The following FAT3 variants were observed in gnomAD, a reference collection of about 807,000 sequenced individuals.
FAT3 encodes protocadherin Fat 3.
FAT3 carries 95 observed loss-of-function variants against 310.2 expected under a neutral mutation model. The observed-to-expected ratio is 0.31, with a 90% confidence interval of 0.26 to 0.36. The LOEUF (loss-of-function observed/expected upper bound fraction) is 0.36, where lower values mean the gene tolerates loss of function less well. FAT3 is among the 10% of genes least tolerant of loss of function. The pLI, the probability that FAT3 is intolerant of heterozygous loss-of-function variation, is 1.00. For synonymous variants in FAT3, 2,314 were observed against 2,192.9 expected (o/e 1.06, Z -1.54); for missense variants, 5,408 against 5,715.6 (o/e 0.95, Z 1.74).
chr11:92,378,691 G>C (rs888291675), intron 2 of FAT3, among the ~76,000 whole-genome samples: 2 of 152,070 alleles, frequency 1.3e-5, no homozygotes, highest in African/African-American at 4.8e-5. Flanking sequence ...AGTCCATTGG[G>C]ATTGCTATAA....
rs184077018 is a variant in FAT3 at position 92,535,827 on chromosome 11, T to C, written c.3607+10879T>C. Among the ~76,000 whole-genome samples the C allele has an allele frequency of 3.6e-3, 538 of 151,524 alleles. 15 individuals are homozygous for C. The highest frequency in any genetic ancestry group is 2.8e-3 in the Non-Finnish European group (189 of 67,456). ...AACACCATCATTTCTTACAGGAGTGTTTTTACAGAAGGCCATGAGGTCACG... is the reference window on the plus strand; with the variant it reads ...AACACCATCATTTCTTACAGGAGTGCTTTTACAGAAGGCCATGAGGTCACG... On this transcript the variant is annotated intron_variant, in intron 3 of 27. Transcript: ENST00000525166.
At chr11:92,571,552 C>A (rs11020009) in intron 3 of FAT3, among the ~76,000 whole-genome samples, 8,297 of 152,280 alleles carry the variant, frequency 0.054, 273 homozygotes, top group African/African-American at 0.089. Context: ...CTTCTCTTTG[C>A]AGTTTTTACT....
chr11:92,225,978 G>C (rs1196790636), intron 1 of FAT3, among the ~76,000 whole-genome samples: 1 of 152,004 alleles, frequency 6.6e-6, no homozygotes, highest in African/African-American at 2.4e-5. Context: ...CCATCCCCAG[G>C]AGTGCGGAGG....
intron 2 of FAT3, among the ~76,000 whole-genome samples, chr11:92,375,295 A>G (rs1399639475): frequency 6.6e-6 from 1 of 151,750 alleles, no homozygotes; most frequent in African/African-American, 2.4e-5. Flanking sequence ...CACCACCCTC[A>G]ACTAATTTAT....
intron 19 of FAT3, among the ~76,000 whole-genome samples, chr11:92,855,478 A>G (rs1295912090): frequency 6.6e-6 from 1 of 152,242 alleles, no homozygotes; most frequent in Non-Finnish European, 1.5e-5. Flanking sequence ...AGGAGGCATC[A>G]TATCCTTTCA....
In FAT3 at chr11:92,800,254, C is replaced by T; in HGVS notation, c.7241C>T (p.Thr2414Ile). The change falls in exon 10 of 28, where the codon ACC becomes ATC. Residue 2414 changes from threonine (T) to isoleucine (I), a missense_variant. Thr to Ile is a moderately conservative substitution (Grantham distance 89, BLOSUM62 -1). This residue lies in a region of FAT3 where 4,588 missense variants were observed against 4,809.8 expected (regional missense o/e 0.95). Coordinates refer to ENST00000525166, the MANE Select transcript of FAT3 (RefSeq NM_001367949.2). ...TTAGCCCCCCGGGGCCATTTTGTAA[C>T]CTGTGTACAAGCCTCTGATGCAGAC... The part of the protein sequence containing the change: ...SELAPRGHFV[T>I]CVQASDADSS... 6.2e-7 allele frequency: 1 copy of T among 1,613,928 alleles called. No individual in the cohort carries two copies.
intron 2 of FAT3, among the ~76,000 whole-genome samples, chr11:92,461,398 A>T (rs949255468): frequency 6.6e-6 from 1 of 152,228 alleles, no homozygotes; most frequent in African/African-American, 2.4e-5. Context: ...AAACACATTT[A>T]TAAATATCAG....
intron 1 of FAT3, among the ~76,000 whole-genome samples, chr11:92,300,265 A>G (rs1946961552): frequency 6.6e-6 from 1 of 152,282 alleles, no homozygotes; most frequent in East Asian, 1.9e-4. Context: ...GTCTTACAGC[A>G]AAGCACAGCC....
chr11:92,481,854 G>T (rs1952235170), intron 2 of FAT3, among the ~76,000 whole-genome samples: 1 of 152,110 alleles, frequency 6.6e-6, no homozygotes, highest in Non-Finnish European at 1.5e-5. Context: ...CTTAAAATCT[G>T]CATCTTTAAA....
intron 2 of FAT3, among the ~76,000 whole-genome samples, chr11:92,477,085 G>A (rs992572259): frequency 5.1e-4 from 78 of 152,288 alleles, no homozygotes; most frequent in Middle Eastern, 3.4e-3. Flanking sequence ...TGGTAAGTTC[G>A]TTAATGAACT....
At chr11:92,559,005 T>A (rs1168141891) in intron 3 of FAT3, among the ~76,000 whole-genome samples, 1 of 152,168 alleles carries the variant, frequency 6.6e-6, no homozygotes, top group African/African-American at 2.4e-5. Flanking sequence ...CTTCTATACA[T>A]CTTACTTAAT....
In FAT3 at chr11:92,388,785, C is replaced by T. The variant is rs559213062; in HGVS notation, c.3292+33381C>T. On this transcript the variant is annotated intron_variant, in intron 2 of 27. Transcript: ENST00000525166. Reference sequence around the variant, plus strand: ...AGTATGGAGATTCAGAGCATAACTGCCTGGAAAATGCTAAGAAATTCTTTA... The same window carrying T: ...AGTATGGAGATTCAGAGCATAACTGTCTGGAAAATGCTAAGAAATTCTTTA... Among the ~76,000 whole-genome samples, 45 of 152,202 alleles carry T rather than the reference C, an allele frequency of 3.0e-4. No individual in the cohort carries two copies. In the South Asian group the frequency reaches 8.7e-3, roughly 30 times the overall value.
At chr11:92,496,390 C>A (rs527984609) in intron 2 of FAT3, among the ~76,000 whole-genome samples, 1 of 152,126 alleles carries the variant, frequency 6.6e-6, no homozygotes, top group South Asian at 2.1e-4. Flanking sequence ...AACCTGGGAC[C>A]ACACTTTTTA....
intron 1 of FAT3, among the ~76,000 whole-genome samples, chr11:92,308,291 T>G (rs1383360952): frequency 1.3e-5 from 2 of 152,200 alleles, no homozygotes; most frequent in Non-Finnish European, 2.9e-5. Context: ...AATTACAAAT[T>G]AAACTAGTTG....
intron 4 of FAT3, among the ~76,000 whole-genome samples, chr11:92,727,445 T>TAA (rs34774306): frequency 8.7e-4 from 132 of 151,266 alleles, no homozygotes; most frequent in African/African-American, 3.0e-3. Context: ...TAATAATGCT[T>TAA]AAAAAAAAAC....
chr11:92,653,253 G>A (rs1040789485), intron 3 of FAT3, among the ~76,000 whole-genome samples: 11 of 151,878 alleles, frequency 7.2e-5, no homozygotes, highest in African/African-American at 2.7e-4. Context: ...CATGTCCTTC[G>A]GTATCCAATT....
intron 1 of FAT3, among the ~76,000 whole-genome samples, chr11:92,340,748 G>T (rs1056735064): frequency 1.3e-5 from 2 of 152,280 alleles, no homozygotes; most frequent in East Asian, 3.9e-4. Flanking sequence ...GATTGAAGGG[G>T]TGACCTTGGT....
intron 1 of FAT3, among the ~76,000 whole-genome samples, chr11:92,346,386 T>G (rs10501779): frequency 0.16 from 24,925 of 152,030 alleles, 2,365 homozygotes; most frequent in East Asian, 0.31. Flanking sequence ...CACACGGGAA[T>G]TGGAATCAAT....
chr11:92,536,536 G>A (rs1229284202), intron 3 of FAT3, among the ~76,000 whole-genome samples: 1 of 152,138 alleles, frequency 6.6e-6, no homozygotes, highest in Admixed American at 6.6e-5. Flanking sequence ...AATGAGTTAA[G>A]ATATGTAAAG....
Sources: gnomAD v4.1 joint callset for allele counts (sites outside exome capture counted in the v4.1 genomes callset) on GRCh38, gnomAD v4.1.1 for gene constraint, gnomAD v4.1.1 regional missense constraint, MANE v1.5 for transcripts, NCBI Gene and HGNC (gene_info 2026-07-23, HGNC 2026-07-21) for gene names.